The following GALNT17 variants were observed in gnomAD, a reference collection of about 807,000 sequenced individuals.
GALNT17 encodes polypeptide N-acetylgalactosaminyltransferase 17.
Under a neutral mutation model 63.7 loss-of-function variants are expected in GALNT17, and 29 were observed. The ratio of observed to expected loss-of-function variants is 0.46; its 90% CI spans 0.34 to 0.62. The LOEUF is 0.62. Among genes scored for constraint, GALNT17 ranks in the 20% least tolerant of loss-of-function variants. GALNT17 has a pLI of 0.01. For missense variants in GALNT17, 603 were observed against 799.6 expected (o/e 0.75, Z 2.97); for synonymous variants, 305 against 318.3 (o/e 0.96, Z 0.45).
chr7:71,513,340 A>G (rs556721836), intron 5 of GALNT17, among the ~76,000 whole-genome samples: 1 of 151,656 alleles, frequency 6.6e-6, no homozygotes, highest in African/African-American at 2.4e-5. Context: ...ACGATTATCA[A>G]CTCATGGCCA....
chr7:71,334,343 C>T (rs886187158), intron 1 of GALNT17, among the ~76,000 whole-genome samples: 27 of 152,116 alleles, frequency 1.8e-4, no homozygotes, highest in African/African-American at 5.8e-4. Context: ...TCCTTCTGGG[C>T]GCTTCCGGCT....
intron 1 of GALNT17, among the ~76,000 whole-genome samples, chr7:71,272,816 T>C (rs1790616776): frequency 1.3e-5 from 2 of 152,156 alleles, no homozygotes; most frequent in African/African-American, 4.8e-5. Context: ...TCTCTGATAC[T>C]TACTGCTCTT....
chr7:71,146,590 C>G (rs1788028088), intron 1 of GALNT17, among the ~76,000 whole-genome samples: 2 of 152,110 alleles, frequency 1.3e-5, no homozygotes, highest in Non-Finnish European at 2.9e-5. Context: ...ACTGCCTTCC[C>G]TCCCTTCTCC....
intron 6 of GALNT17, among the ~76,000 whole-genome samples, chr7:71,639,598 A>G (rs1790575639): frequency 6.6e-6 from 1 of 152,212 alleles, no homozygotes; most frequent in Non-Finnish European, 1.5e-5. Flanking sequence ...GGAGATGAAT[A>G]ATTGTGAACG....
intron 6 of GALNT17, among the ~76,000 whole-genome samples, chr7:71,651,309 T>C (rs532937402): frequency 8.2e-5 from 7 of 85,394 alleles, no homozygotes; most frequent in Admixed American, 4.3e-4. Context: ...CTTTTTAGGC[T>C]TTTTTTTTTT....
chr7:71,255,720 T>G (rs569026878), intron 1 of GALNT17, among the ~76,000 whole-genome samples: 1 of 152,284 alleles, frequency 6.6e-6, no homozygotes, highest in African/African-American at 2.4e-5. Context: ...ACAGGTTGCC[T>G]GGGGCTTTTT....
intron 1 of GALNT17, among the ~76,000 whole-genome samples, chr7:71,172,100 C>A (rs897994324): frequency 6.6e-6 from 1 of 151,986 alleles, no homozygotes; most frequent in Non-Finnish European, 1.5e-5. Flanking sequence ...AGATGGGAAA[C>A]AGAATATATG....
At chr7:71,288,671 C>T (rs1425770525) in intron 1 of GALNT17, among the ~76,000 whole-genome samples, 1 of 152,062 alleles carries the variant, frequency 6.6e-6, no homozygotes, top group Non-Finnish European at 1.5e-5. Flanking sequence ...TAGCTGGGTT[C>T]CTGGGCTGTG....
chr7:71,548,103 G>A (rs747625468), intron 5 of GALNT17, among the ~76,000 whole-genome samples: 1 of 151,872 alleles, frequency 6.6e-6, no homozygotes, highest in Non-Finnish European at 1.5e-5. Flanking sequence ...ATTAGCTGGT[G>A]TAGTGGCGTG....
At chr7:71,406,198 G>A (rs564470316) in intron 3 of GALNT17, among the ~76,000 whole-genome samples, 1 of 152,278 alleles carries the variant, frequency 6.6e-6, no homozygotes, top group South Asian at 2.1e-4. Context: ...TATAGACACA[G>A]ACAAGCATAG....
At chr7:71,647,593 G>A (rs1212493003) in intron 6 of GALNT17, among the ~76,000 whole-genome samples, 1 of 152,174 alleles carries the variant, frequency 6.6e-6, no homozygotes, top group East Asian at 1.9e-4. Context: ...GAAGCCCATG[G>A]CTCTGTTTTC....
chr7:71,193,107 A>G (rs867475198), intron 1 of GALNT17, among the ~76,000 whole-genome samples: 38 of 137,060 alleles, frequency 2.8e-4, no homozygotes, highest in Non-Finnish European at 5.3e-4. Context: ...TTATTTATTT[A>G]TTTATTTTTG....
At chr7:71,428,757 T>C (rs1384003250) in intron 5 of GALNT17, among the ~76,000 whole-genome samples, 1 of 152,136 alleles carries the variant, frequency 6.6e-6, no homozygotes, top group Non-Finnish European at 1.5e-5. Flanking sequence ...TTAAAGTGGT[T>C]CCAAGTCCAC....
At chr7:71,709,442 G>C (rs551148109) in intron 9 of GALNT17, among the ~76,000 whole-genome samples, 1 of 152,248 alleles carries the variant, frequency 6.6e-6, no homozygotes, top group East Asian at 1.9e-4. Context: ...AAAGAACGAA[G>C]TATATATTTA....
intron 5 of GALNT17, among the ~76,000 whole-genome samples, chr7:71,436,750 A>G (rs1334378673): frequency 6.6e-6 from 1 of 152,014 alleles, no homozygotes; most frequent in East Asian, 1.9e-4. Flanking sequence ...ACAAAAATAA[A>G]TGTATCCATG....
At chr7:71,245,848 G>GTTTTTTTTTTTTTT (rs542136452) in intron 1 of GALNT17, among the ~76,000 whole-genome samples, 18 of 122,884 alleles carry the variant, frequency 1.5e-4, no homozygotes, top group African/African-American at 4.6e-4. Context: ...AAGAGAGCAG[G>GTTTTTTTTTTTTTT]TTTTTTTTTT....
At chr7:71,654,697 T>TGC (rs369542757) in intron 6 of GALNT17, among the ~76,000 whole-genome samples, 1 of 152,064 alleles carries the variant, frequency 6.6e-6, no homozygotes, top group South Asian at 2.1e-4. Context: ...ATCTTTAACT[T>TGC]CAGGTATCTA....
chr7:71,441,356 C>T (rs1053058940), intron 5 of GALNT17, among the ~76,000 whole-genome samples: 1 of 152,158 alleles, frequency 6.6e-6, no homozygotes, highest in African/African-American at 2.4e-5. Context: ...TCTCTTCCAA[C>T]CAATGAACTA....
chr7:71,303,881 G>A (rs947840480), intron 1 of GALNT17, among the ~76,000 whole-genome samples: 1 of 152,098 alleles, frequency 6.6e-6, no homozygotes, highest in African/African-American at 2.4e-5. Flanking sequence ...CCAAATAATA[G>A]CTAAACGCCT....
Sources: allele counts gnomAD v4.1 joint callset (sites outside exome capture counted in the v4.1 genomes callset), GRCh38; gene constraint gnomAD v4.1.1; transcripts MANE v1.5; gene names NCBI Gene and HGNC (gene_info 2026-07-23, HGNC 2026-07-21).